Variants in ARHGEF10 observed in about 807,000 individuals in gnomAD.
The protein encoded by ARHGEF10 is Rho guanine nucleotide exchange factor (GEF) 10.
A neutral mutation model predicts 147.4 loss-of-function variants in ARHGEF10; 140 were observed. That is an observed-to-expected ratio of 0.95 (90% CI 0.83 to 1.09). The LOEUF is 1.09. Ranked by LOEUF, ARHGEF10 falls within the 50% of genes least tolerant of loss-of-function variation. ARHGEF10 has a pLI of 0.00. For missense variants in ARHGEF10, 2,222 were observed against 1,752.7 expected (o/e 1.27, Z -4.78); for synonymous variants, 902 against 695.8 (o/e 1.30, Z -4.67).
intron 2 of ARHGEF10, among the ~76,000 whole-genome samples, chr8:1,854,882 C>CG: frequency 6.6e-6 from 1 of 152,164 alleles, no homozygotes; most frequent in South Asian, 2.1e-4. Flanking sequence ...AGAACGCATG[C>CG]GGTTCTTCTC....
chr8:1,952,668 A>G, intron 27 of ARHGEF10, 37 bp from the exon 28 acceptor site: 1 of 1,612,192 alleles, frequency 6.2e-7, no homozygotes, highest in Non-Finnish European at 8.5e-7. Context: ...TCTGCTACAC[A>G]AACCAGACCC....
In ARHGEF10 at chr8:1,857,980, A is replaced by C. The variant is rs1563185871; in HGVS notation, c.58A>C (p.Thr20Pro). The part of the protein sequence containing the change: ...APAENEMKYD[T>P]NNNEEEEGEQ... ...TTTAGAAAATGAAATGAAATATGATACCAATAATAATGAAGAGGAAGAGGG... is the reference window on the plus strand; with the variant it reads ...TTTAGAAAATGAAATGAAATATGATCCCAATAATAATGAAGAGGAAGAGGG... Residue 20 changes from threonine to proline, a missense_variant, in exon 3 of 29, where the codon ACC (threonine) becomes CCC (proline). By Grantham distance (38) the Thr-to-Pro change is conservative. Coordinates refer to ENST00000349830, the MANE Select transcript of ARHGEF10 (RefSeq NM_014629.4). 1 of 1,614,010 alleles carries C rather than the reference A, an allele frequency of 6.2e-7. No homozygotes were observed.
intron 23 of ARHGEF10, chr8:1,927,303 C>A (rs1344962124): frequency 4.6e-5 from 7 of 152,258 alleles, no homozygotes; most frequent in Admixed American, 3.3e-4. Context: ...GCCCTGTAGG[C>A]AGGACAGGGG....
intron 26 of ARHGEF10, among the ~76,000 whole-genome samples, chr8:1,944,942 C>T (rs564168785): frequency 8.5e-5 from 13 of 152,356 alleles, no homozygotes; most frequent in Non-Finnish European, 1.5e-4. Context: ...CAGAGCAGGC[C>T]GCTGGGATGC....
At chr8:1,880,306 GC>G in intron 9 of ARHGEF10, 142 bp downstream of exon 9, 3 of 687,256 alleles carry the variant, frequency 4.4e-6, no homozygotes, top group Non-Finnish European at 7.9e-6. Context: ...ACGCTTTGGG[GC>G]TCACGTGGAC....
In ARHGEF10 at chr8:1,921,494, G is replaced by A. The variant is rs577681230; in HGVS notation, c.2144-1470G>A. On this transcript the variant is annotated intron_variant, in intron 18 of 28. Coordinates refer to ENST00000349830, the MANE Select transcript of ARHGEF10 (RefSeq NM_014629.4). ...CTCTAATCCCAGCACTTGGGAGGCC[G>A]AGGCGGGTGGATCACCTGAGGTCAG... is the stretch of plus-strand genomic sequence containing the variant. 7.2e-5 allele frequency among the ~76,000 whole-genome samples: 11 copies of A among 152,312 alleles called. No homozygotes were observed. The East Asian group carries it at 1.2e-3, about 16-fold the overall frequency.
At chr8:1,935,679 C>T (rs907969381) in intron 26 of ARHGEF10, among the ~76,000 whole-genome samples, 2 of 152,230 alleles carry the variant, frequency 1.3e-5, no homozygotes, top group Admixed American at 1.3e-4. Context: ...ATCCTCTCTA[C>T]AGAGGAGCTT....
At chr8:1,838,199 C>T (rs117964556) in intron 1 of ARHGEF10, among the ~76,000 whole-genome samples, 1,584 of 152,320 alleles carry the variant, frequency 0.01, 14 homozygotes, top group Non-Finnish European at 0.016. Flanking sequence ...GCCTGGACTC[C>T]ATCTCCAGCG....
At chr8:1,898,569 G>C in intron 15 of ARHGEF10, 44 bp downstream of exon 15, 1 of 1,577,126 alleles carries the variant, frequency 6.3e-7, no homozygotes. Flanking sequence ...CCTCTGGCTC[G>C]CCCATGACTC....
At chr8:1,913,156 G>A (rs866932019) in intron 18 of ARHGEF10, among the ~76,000 whole-genome samples, 3 of 152,068 alleles carry the variant, frequency 2.0e-5, no homozygotes, top group Admixed American at 1.3e-4. Context: ...GGGAGGTGGC[G>A]CATAGCCCCA....
At chr8:1,860,893 G>T (rs758127613) in intron 4 of ARHGEF10, among the ~76,000 whole-genome samples, 2 of 152,152 alleles carry the variant, frequency 1.3e-5, no homozygotes, top group Non-Finnish European at 2.9e-5. Context: ...GGGTGGTGGG[G>T]GTGGGAGAAT....
chr8:1,929,564 C>T (rs1031460118), intron 25 of ARHGEF10, 121 bp downstream of exon 25: 13 of 1,229,728 alleles, frequency 1.1e-5, no homozygotes, highest in Non-Finnish European at 1.4e-5. Flanking sequence ...GCCTCCGCCC[C>T]TGCGCTCGTC....
At chr8:1,862,188 A>G (rs1235101141) in intron 4 of ARHGEF10, among the ~76,000 whole-genome samples, 2 of 152,172 alleles carry the variant, frequency 1.3e-5, no homozygotes, top group Non-Finnish European at 2.9e-5. Flanking sequence ...GCCTGGTGGC[A>G]CTGCTGGCTT....
At chr8:1,870,253 T>C (rs1807000018) in intron 7 of ARHGEF10, 1 of 131,830 alleles carries the variant, frequency 7.6e-6, no homozygotes, top group African/African-American at 2.9e-5. Flanking sequence ...TTTTTTTTTT[T>C]TTTTTTGCTA....
At chr8:1,865,788 C>G (rs1245266251) in intron 5 of ARHGEF10, among the ~76,000 whole-genome samples, 2 of 152,224 alleles carry the variant, frequency 1.3e-5, no homozygotes, top group Non-Finnish European at 1.5e-5. Context: ...TGGGTGCTCA[C>G]TCTGCTTCCG....
chr8:1,909,110 G>A (rs961207998), intron 17 of ARHGEF10, among the ~76,000 whole-genome samples, 185 bp from the exon 18 acceptor site: 4 of 152,196 alleles, frequency 2.6e-5, no homozygotes, highest in Non-Finnish European at 4.4e-5. Context: ...TCCAGTTCGA[G>A]GCCTCTTTAT....
At chr8:1,903,503 T>C (rs1810646868) in intron 16 of ARHGEF10, 52 bp downstream of exon 16, 1 of 1,600,024 alleles carries the variant, frequency 6.2e-7, no homozygotes, top group Non-Finnish European at 8.5e-7. Context: ...TGCTTTGTGC[T>C]AATAAGCTGT....
chr8:1,956,481 A>G (rs952287462), intron 28 of ARHGEF10, among the ~76,000 whole-genome samples: 7 of 152,224 alleles, frequency 4.6e-5, no homozygotes, highest in Admixed American at 2.6e-4. Flanking sequence ...GTACAGTAGG[A>G]GTATTAGAAC....
chr8:1,900,435 T>C (rs1810360882), intron 15 of ARHGEF10, among the ~76,000 whole-genome samples: 1 of 152,112 alleles, frequency 6.6e-6, no homozygotes, highest in African/African-American at 2.4e-5. Flanking sequence ...GATTCTCCCA[T>C]GGTGACACAG....
Sources: gnomAD v4.1 joint callset for allele counts (sites outside exome capture counted in the v4.1 genomes callset) on GRCh38, gnomAD v4.1.1 for gene constraint, MANE v1.5 for transcripts, NCBI Gene and HGNC (gene_info 2026-07-23, HGNC 2026-07-21) for gene names.